GPCPD1: variants seen among roughly 807,000 people sequenced by gnomAD.
GPCPD1 encodes the protein glycerophosphocholine phosphodiesterase GPCPD1.
A neutral mutation model predicts 89.2 loss-of-function variants in GPCPD1; 29 were observed. That is an observed-to-expected ratio of 0.33 (90% CI 0.24 to 0.44). The LOEUF (loss-of-function observed/expected upper bound fraction) is 0.44, where lower values mean the gene tolerates loss of function less well. Ranked by LOEUF, GPCPD1 falls within the 20% of genes least tolerant of loss-of-function variation. The probability of loss-of-function intolerance (pLI) is 1.00; values close to 1 mark genes in which losing one functional copy is unlikely to be tolerated. For missense variants in GPCPD1, 594 were observed against 808.9 expected, an observed-to-expected ratio of 0.73 and a Z score of 3.22; for synonymous variants, 258 against 266.3, an observed-to-expected ratio of 0.97 and a Z score of 0.30.
Position 5,547,771 on chromosome 20 carries a change from G to C in GPCPD1, c.1909C>G (p.Leu637Val). The change falls in exon 20 of 20, where the codon CTT becomes GTT. Residue 637 changes from leucine to valine, a missense_variant. By Grantham distance (32) the Leu-to-Val change is conservative (BLOSUM62 1). Transcript: ENST00000379019. The stretch of plus-strand genomic sequence containing the variant: ...ACAGTGGGACACAAACAGCTCTTAA[G>C]CTCTGGCAATTCCTGCTTCAGGCGT... The part of the protein sequence containing the change: ...LERLKQELPE[L>V]KSCLCPTVSR... 1 of 1,610,926 alleles carries C rather than the reference G, an allele frequency of 6.2e-7. No homozygotes were observed. Among genetic ancestry groups the C allele is most frequent in the Non-Finnish European group, 8.5e-7 (1 of 1,177,222 alleles).
At chr20:5,572,761 G>A (rs1986793668) in intron 11 of GPCPD1, among the ~76,000 whole-genome samples, 1 of 150,686 alleles carries the variant, frequency 6.6e-6, no homozygotes, top group Non-Finnish European at 1.5e-5. Context: ...CCAAGTTGCA[G>A]TTGCTGAAAA....
At chr20:5,551,442 C>T (rs1459616482) in intron 19 of GPCPD1, among the ~76,000 whole-genome samples, 2 of 152,152 alleles carry the variant, frequency 1.3e-5, no homozygotes, top group African/African-American at 2.4e-5. Flanking sequence ...CACAGCAACA[C>T]TATAAAATAG....
chr20:5,574,175 G>C, intron 10 of GPCPD1: 1 of 561,996 alleles, frequency 1.8e-6, no homozygotes, highest in Non-Finnish European at 3.2e-6. Context: ...ATATTTACAA[G>C]CTGAATACCG....
Position 5,570,143 on chromosome 20 carries a change from G to T in GPCPD1, c.1149+4C>A. On this transcript the variant is annotated splice_donor_region_variant and intron_variant, in intron 12 of 19. Coordinates refer to ENST00000379019, the MANE Select transcript of GPCPD1 (RefSeq NM_019593.5). ...GAGTTTGAAATGAAGAAATTTCAAC[G>T]TACCTTTTTCATAGTCAAACAACAG... The T allele has an allele frequency of 7.1e-7, 1 of 1,402,484 alleles. No individual in the cohort carries two copies. Among genetic ancestry groups the T allele is most frequent in the Non-Finnish European group, 1.0e-6 (1 of 997,238 alleles). 86.9% of individuals were successfully genotyped at this position (1,402,484 alleles called of 1,614,324 possible). A position where few individuals can be genotyped will look rare whatever the true frequency, so the allele number is the denominator to read the frequency against.
chr20:5,567,422 C>T (rs1156628961), intron 13 of GPCPD1, 61 bp downstream of exon 13: 8 of 1,506,754 alleles, frequency 5.3e-6, no homozygotes, highest in Non-Finnish European at 7.1e-6. Context: ...TAACCATATA[C>T]AAGCAAGTAC....
intron 3 of GPCPD1, 35 bp downstream of exon 3, chr20:5,598,689 CA>C: frequency 8.4e-7 from 1 of 1,197,534 alleles, no homozygotes; most frequent in Non-Finnish European, 1.2e-6. Flanking sequence ...AGGTTAATGT[CA>C]CAGTTATTCT....
intron 11 of GPCPD1, among the ~76,000 whole-genome samples, chr20:5,573,087 T>TA (rs71918376): frequency 6.0e-5 from 3 of 49,896 alleles, no homozygotes; most frequent in Non-Finnish European, 1.2e-4. Context: ...TCTTTCCTTC[T>TA]TTTTTTTTTT....
chr20:5,598,419 G>A (rs1197593645), intron 3 of GPCPD1, among the ~76,000 whole-genome samples: 2 of 151,482 alleles, frequency 1.3e-5, no homozygotes, highest in Admixed American at 1.3e-4. Flanking sequence ...AATTATGGTG[G>A]TAAGTACCTA....
chr20:5,562,794 T>C (rs1159278797), intron 15 of GPCPD1, among the ~76,000 whole-genome samples: 2 of 152,306 alleles, frequency 1.3e-5, no homozygotes, highest in East Asian at 3.9e-4. Flanking sequence ...TATTCAATTT[T>C]GTGTGGGACT....
intron 3 of GPCPD1, among the ~76,000 whole-genome samples, chr20:5,597,145 A>C (rs998689761): frequency 6.6e-6 from 1 of 152,226 alleles, no homozygotes; most frequent in Non-Finnish European, 1.5e-5. Flanking sequence ...TTAAAGTAAT[A>C]CTATTTACCA....
Position 5,559,959 on chromosome 20 carries a change from C to A in GPCPD1, c.1513G>T (p.Asp505Tyr). The change falls in exon 17 of 20, where the codon GAT becomes TAT. Residue 505 changes from aspartate (D) to tyrosine (Y), a missense_variant. By Grantham distance (160) the Asp-to-Tyr change is radical. Transcript: ENST00000379019. ...GKRRIVFSSF[D>Y]ADICTMVRQK... The stretch of plus-strand genomic sequence containing the variant: ...ACTCACATTGTGCAAATATCTGCAT[C>A]AAATGAAGAAAACACTATTCTCCTC... 1 of 1,547,038 alleles carries A rather than the reference C, an allele frequency of 6.5e-7. No homozygotes were observed. The highest frequency in any genetic ancestry group is 8.8e-7 in the Non-Finnish European group (1 of 1,139,660).
intron 6 of GPCPD1, among the ~76,000 whole-genome samples, chr20:5,580,680 C>T (rs184925449): frequency 5.1e-4 from 76 of 148,656 alleles, no homozygotes; most frequent in African/African-American, 1.8e-3. Flanking sequence ...GAGCCGAGAT[C>T]GCACCACTGC....
chr20:5,583,225 CAA>C (rs35153907), intron 6 of GPCPD1, among the ~76,000 whole-genome samples: 12,718 of 64,574 alleles, frequency 0.2, 637 homozygotes, highest in South Asian at 0.26. Context: ...AACTCCATCT[CAA>C]AAAAAAAAAA....
rs757155685 is a variant in GPCPD1 at position 5,578,373 on chromosome 20, T to C, written c.705+7A>G. ...TTCTCAATCCCCTCACTGCAGTAACTACTCACTTCGAAAAAATCAAAGATT... is the reference window on the plus strand; with the variant it reads ...TTCTCAATCCCCTCACTGCAGTAACCACTCACTTCGAAAAAATCAAAGATT... On this transcript the variant is annotated splice_region_variant and intron_variant, in intron 8 of 19. Transcript: ENST00000379019. 6.6e-7 allele frequency: 1 copy of C among 1,504,542 alleles called. No homozygotes were observed. The highest frequency in any genetic ancestry group is 1.7e-5 in the Admixed American group (1 of 59,872). 93.2% of individuals were successfully genotyped at this position (1,504,542 alleles called of 1,614,324 possible).
intron 2 of GPCPD1, among the ~76,000 whole-genome samples, chr20:5,603,713 G>C (rs1980340738): frequency 6.6e-6 from 1 of 151,574 alleles, no homozygotes; most frequent in Non-Finnish European, 1.5e-5. Context: ...ATAGGAACAA[G>C]GTTATCCCAG....
At chr20:5,578,308 A>T in intron 8 of GPCPD1, 72 bp downstream of exon 8, 1 of 952,686 alleles carries the variant, frequency 1.0e-6, no homozygotes. Context: ...TTAAAATGAA[A>T]ATCAAAACCA....
chr20:5,600,064 T>A (rs1469644099), intron 2 of GPCPD1, among the ~76,000 whole-genome samples: 1 of 152,228 alleles, frequency 6.6e-6, no homozygotes, highest in African/African-American at 2.4e-5. Context: ...GATAATGAAC[T>A]GAGTCCAACT....
rs575038293 is a variant in GPCPD1 at position 5,588,397 on chromosome 20, T to C, written c.232-2128A>G. On this transcript the variant is annotated intron_variant, in intron 4 of 19. Transcript: ENST00000379019. ...GCACACAACTGTAGTCCCAGCTACA[T>C]GTGAGGCTGAGGCACGAGAATTGCT... is the stretch of plus-strand genomic sequence containing the variant. Among the ~76,000 whole-genome samples, 7 of 152,014 alleles carry C rather than the reference T, an allele frequency of 4.6e-5. No individual in the cohort carries two copies. In the South Asian group the frequency reaches 1.2e-3, roughly 27 times the overall value.
chr20:5,563,108 G>A (rs562359902), intron 15 of GPCPD1, among the ~76,000 whole-genome samples: 21 of 151,416 alleles, frequency 1.4e-4, no homozygotes, highest in African/African-American at 4.6e-4. Flanking sequence ...TCAGCCTCCC[G>A]AGTAGCTGGG....
Sources: gnomAD v4.1 joint callset for allele counts (sites outside exome capture counted in the v4.1 genomes callset) on GRCh38, gnomAD v4.1.1 for gene constraint, MANE v1.5 for transcripts, NCBI Gene and HGNC (gene_info 2026-07-23, HGNC 2026-07-21) for gene names.